The following SPOCK1 variants were observed in gnomAD, a reference collection of about 807,000 sequenced individuals.
SPOCK1 encodes testican-1.
A neutral mutation model predicts 55.3 loss-of-function variants in SPOCK1; 23 were observed. The ratio of observed to expected loss-of-function variants is 0.42; its 90% CI spans 0.30 to 0.59. SPOCK1 has a LOEUF of 0.59. Ranked by LOEUF, SPOCK1 falls within the 20% of genes least tolerant of loss-of-function variation. The pLI is 0.22. For missense variants in SPOCK1, 499 were observed against 552.5 expected (o/e 0.90, Z 0.97); for synonymous variants, 226 against 221.0 (o/e 1.02, Z -0.20).
intron 9 of SPOCK1, among the ~76,000 whole-genome samples, chr5:136,983,588 G>C (rs1045418184): frequency 6.8e-6 from 1 of 146,926 alleles, no homozygotes; most frequent in African/African-American, 2.5e-5. Flanking sequence ...CAGAGAAAGT[G>C]AACATGTAGA....
At chr5:137,095,848 A>T (rs1007239596) in intron 5 of SPOCK1, among the ~76,000 whole-genome samples, 14 of 152,252 alleles carry the variant, frequency 9.2e-5, no homozygotes, top group Admixed American at 7.2e-4. Context: ...AGCTACAGGG[A>T]TAAAAATGTG....
intron 2 of SPOCK1, among the ~76,000 whole-genome samples, chr5:137,475,430 TG>T (rs1580947544): frequency 6.6e-6 from 1 of 152,214 alleles, no homozygotes; most frequent in Non-Finnish European, 1.5e-5. Context: ...TAAGAGGAAA[TG>T]TTTTTCAACA....
intron 3 of SPOCK1, among the ~76,000 whole-genome samples, chr5:137,194,218 G>T (rs949465455): frequency 1.3e-5 from 2 of 152,234 alleles, no homozygotes; most frequent in Admixed American, 1.3e-4. Context: ...TGGAAAAAGA[G>T]ATGGCTACAA....
At chr5:137,431,599 T>C (rs1752747178) in intron 2 of SPOCK1, among the ~76,000 whole-genome samples, 1 of 152,196 alleles carries the variant, frequency 6.6e-6, no homozygotes, top group African/African-American at 2.4e-5. Context: ...CCCTGGTGGG[T>C]GGCTTGGTGC....
At chr5:137,304,493 GGGGGGACA>G (rs1757666755) in intron 2 of SPOCK1, among the ~76,000 whole-genome samples, 1 of 152,142 alleles carries the variant, frequency 6.6e-6, no homozygotes, top group South Asian at 2.1e-4. Flanking sequence ...TGTGCGGGGC[GGGGGGACA>G]GGAACTGCAG....
At chr5:137,058,153 G>A (rs967456529) in intron 6 of SPOCK1, among the ~76,000 whole-genome samples, 3 of 152,220 alleles carry the variant, frequency 2.0e-5, no homozygotes, top group African/African-American at 7.2e-5. Flanking sequence ...GAAGAGTGGG[G>A]TGTGCACTTT....
chr5:137,316,232 C>A (rs775779109), intron 2 of SPOCK1, among the ~76,000 whole-genome samples: 1 of 152,194 alleles, frequency 6.6e-6, no homozygotes, highest in African/African-American at 2.4e-5. Context: ...GAGTCATAAT[C>A]CCACTCATGA....
At chr5:137,204,958 T>C (rs1755493667) in intron 3 of SPOCK1, among the ~76,000 whole-genome samples, 1 of 152,228 alleles carries the variant, frequency 6.6e-6, no homozygotes, top group Non-Finnish European at 1.5e-5. Flanking sequence ...TTTGCTTGGC[T>C]GGCTCCCTCT....
At chr5:137,391,023 C>T (rs866799041) in intron 2 of SPOCK1, among the ~76,000 whole-genome samples, 2 of 152,258 alleles carry the variant, frequency 1.3e-5, no homozygotes, top group Middle Eastern at 6.8e-3. Context: ...GCCCTGCATG[C>T]ATTAGGTATT....
Position 137,239,716 on chromosome 5 carries a change from T to C in SPOCK1, c.232+27294A>G, listed in dbSNP as rs13356458. On this transcript the variant is annotated intron_variant, in intron 3 of 10. Coordinates refer to ENST00000394945, the MANE Select transcript of SPOCK1 (RefSeq NM_004598.4). ...TTTTGTATTAAAAGTGTTATGTCTA[T>C]AGAGAAAAAGTTTTTCCCTTTAACA... 4.3e-3 allele frequency among the ~76,000 whole-genome samples: 660 copies of C among 152,262 alleles called. 7 individuals are homozygous for C. Among genetic ancestry groups the C allele is most frequent in the African/African-American group, 0.015 (631 of 41,538 alleles).
intron 2 of SPOCK1, among the ~76,000 whole-genome samples, chr5:137,457,949 A>G (rs962908493): frequency 6.6e-6 from 1 of 152,200 alleles, no homozygotes; most frequent in Non-Finnish European, 1.5e-5. Flanking sequence ...TATTAAAAAT[A>G]AAGAAAACAG....
chr5:137,310,753 G>A (rs1039584585), intron 2 of SPOCK1, among the ~76,000 whole-genome samples: 1 of 152,154 alleles, frequency 6.6e-6, no homozygotes, highest in African/African-American at 2.4e-5. Context: ...AGGGTTTAAT[G>A]GGTTTATTAA....
chr5:137,323,519 T>C (rs922200377), intron 2 of SPOCK1, among the ~76,000 whole-genome samples: 1 of 150,874 alleles, frequency 6.6e-6, no homozygotes, highest in Non-Finnish European at 1.5e-5. Flanking sequence ...GCCAAATATA[T>C]GAAACAAACA....
chr5:137,130,405 C>T (rs1472841085), intron 4 of SPOCK1, among the ~76,000 whole-genome samples: 2 of 152,190 alleles, frequency 1.3e-5, no homozygotes, highest in African/African-American at 4.8e-5. Flanking sequence ...AAGAAATTAT[C>T]ACAAACTCCA....
intron 4 of SPOCK1, among the ~76,000 whole-genome samples, chr5:137,133,025 C>A (rs773858344): frequency 3.9e-5 from 6 of 152,166 alleles, no homozygotes; most frequent in Non-Finnish European, 8.8e-5. Context: ...CAAGGCAGAA[C>A]AAGATGAGTG....
At chr5:137,394,985 C>T (rs989659272) in intron 2 of SPOCK1, among the ~76,000 whole-genome samples, 8 of 152,218 alleles carry the variant, frequency 5.3e-5, no homozygotes, top group Admixed American at 4.6e-4. Context: ...AAGCTGAGGT[C>T]CAGCAAGACC....
intron 3 of SPOCK1, among the ~76,000 whole-genome samples, chr5:137,175,683 A>C (rs1315283804): frequency 6.6e-6 from 1 of 152,182 alleles, no homozygotes; most frequent in African/African-American, 2.4e-5. Context: ...AATTATAGCT[A>C]TCTCGCTTCT....
At chr5:137,016,766 G>T (rs1307759274) in intron 6 of SPOCK1, among the ~76,000 whole-genome samples, 3 of 152,216 alleles carry the variant, frequency 2.0e-5, no homozygotes, top group Non-Finnish European at 4.4e-5. Context: ...GGCTGTCTAG[G>T]ACCAAAACTA....
chr5:137,474,731 A>G (rs1753803159), intron 2 of SPOCK1, among the ~76,000 whole-genome samples: 2 of 152,230 alleles, frequency 1.3e-5, no homozygotes, highest in African/African-American at 4.8e-5. Flanking sequence ...GTGCATCAAT[A>G]GGCACAGTGA....
Sources: gnomAD v4.1 joint callset for allele counts (sites outside exome capture counted in the v4.1 genomes callset) on GRCh38, gnomAD v4.1.1 for gene constraint, MANE v1.5 for transcripts, NCBI Gene and HGNC (gene_info 2026-07-23, HGNC 2026-07-21) for gene names.